The following FUT8 variants were observed in gnomAD, a reference collection of about 807,000 sequenced individuals.
FUT8 encodes fucosyltransferase 8, also known as alpha-(1,6)-fucosyltransferase.
Under a neutral mutation model 71.3 loss-of-function variants are expected in FUT8, and 29 were observed. That is an observed-to-expected ratio of 0.41 (90% CI 0.30 to 0.55). The LOEUF is 0.55. Ranked by LOEUF, FUT8 falls within the 20% of genes least tolerant of loss-of-function variation. The pLI is 0.34. For missense variants in FUT8, 544 were observed against 702.1 expected, an observed-to-expected ratio of 0.77 and a Z score of 2.55; for synonymous variants, 254 against 239.3, an observed-to-expected ratio of 1.06 and a Z score of -0.57.
At chr14:65,367,952 C>T in the FUT8 span, among the ~76,000 whole-genome samples, 2 of 151,356 alleles carry the variant, frequency 1.3e-5, no homozygotes, top group East Asian at 3.9e-4. Context: ...ATCTTTATAG[C>T]AGTGCTGTTT....
chr14:65,736,315 C>G (rs1896214784), intron 10 of FUT8, among the ~76,000 whole-genome samples: 1 of 151,610 alleles, frequency 6.6e-6, no homozygotes, highest in South Asian at 2.1e-4. Context: ...GTTAGAGACA[C>G]TCTATAGTAT....
chr14:65,676,897 A>T (rs1261279568), intron 7 of FUT8, among the ~76,000 whole-genome samples: 1 of 152,144 alleles, frequency 6.6e-6, no homozygotes, highest in Non-Finnish European at 1.5e-5. Context: ...GGTTAGTTTT[A>T]TATGCCAGAG....
chr14:65,645,503 ATGT>A (rs896575036), intron 6 of FUT8, among the ~76,000 whole-genome samples: 12 of 152,318 alleles, frequency 7.9e-5, no homozygotes, highest in African/African-American at 2.4e-4. Context: ...TTGATTTAAA[ATGT>A]TGTTTTTAAA....
At chr14:65,614,676 C>T (rs539783409) in intron 3 of FUT8, among the ~76,000 whole-genome samples, 2 of 152,348 alleles carry the variant, frequency 1.3e-5, no homozygotes, top group Admixed American at 6.5e-5. Context: ...CTAACAGCCA[C>T]ATAACCTTTT....
chr14:65,697,009 C>A (rs181523760), intron 7 of FUT8, among the ~76,000 whole-genome samples: 90 of 152,254 alleles, frequency 5.9e-4, no homozygotes, highest in African/African-American at 2.1e-3. Flanking sequence ...GTTAAATTCC[C>A]AGTCTGTTAC....
chr14:65,391,619 G>T, the FUT8 span, among the ~76,000 whole-genome samples: 5 of 152,206 alleles, frequency 3.3e-5, no homozygotes, highest in Admixed American at 6.5e-5. Flanking sequence ...TTCCCAAAGT[G>T]CTGGGATTAC....
chr14:65,647,971 G>A (rs1022629874), intron 6 of FUT8, among the ~76,000 whole-genome samples: 2 of 151,920 alleles, frequency 1.3e-5, no homozygotes, highest in Non-Finnish European at 2.9e-5. Flanking sequence ...ATATATTTCT[G>A]CCCACTTTGT....
intron 2 of FUT8, among the ~76,000 whole-genome samples, chr14:65,560,216 C>T (rs898994025): frequency 5.1e-5 from 6 of 117,526 alleles, no homozygotes; most frequent in African/African-American, 2.1e-4. Flanking sequence ...GGTCAAGTGC[C>T]CCTCACATTC....
intron 1 of FUT8, among the ~76,000 whole-genome samples, chr14:65,423,487 C>T (rs2065333327): frequency 6.6e-6 from 1 of 152,114 alleles, no homozygotes; most frequent in African/African-American, 2.4e-5. Context: ...TGGTCTTGAT[C>T]TCCTGACCTC....
intron 2 of FUT8, among the ~76,000 whole-genome samples, chr14:65,493,111 CT>C (rs1244366368): frequency 6.6e-6 from 1 of 152,124 alleles, no homozygotes; most frequent in Non-Finnish European, 1.5e-5. Flanking sequence ...AATTTTTAGA[CT>C]TTGGTGAGTA....
rs2065312059 is a variant in FUT8, at chr14:65,422,388, CTGGTGCTTTTTCTCTTCCTTACTAAT to C, written c.-326+9175_-326+9200del. On this transcript the variant is annotated intron_variant, in intron 1 of 10. Coordinates refer to ENST00000673929, the MANE Select transcript of FUT8 (RefSeq NM_001371533.1). ...AGCCCATCCCTTCCTGCCTTTAATC[CTGGTGCTTTTTCTCTTCCTTACTAAT>C]GAATGTTTTTTATGGCATTGTTTTC... 2.0e-5 allele frequency among the ~76,000 whole-genome samples: 3 copies of C among 152,258 alleles called. No homozygotes were observed. The South Asian group carries it at 6.2e-4, about 32-fold the overall frequency.
At chr14:65,427,038 A>G (rs181292620) in intron 1 of FUT8, among the ~76,000 whole-genome samples, 1 of 151,728 alleles carries the variant, frequency 6.6e-6, no homozygotes, top group African/African-American at 2.4e-5. Flanking sequence ...TTGTTTTTGT[A>G]TTTTTAGTAG....
rs1888925210 is a variant in FUT8 at position 65,611,217 on chromosome 14, GCGCGCGCACACACACACACA to G, written c.204-4759_204-4740del. Among the ~76,000 whole-genome samples, 2 of 3,174 alleles carry G rather than the reference GCGCGCGCACACACACACACA, an allele frequency of 6.3e-4. 1 individual carries two copies. The highest frequency in any genetic ancestry group is 9.7e-4 in the African/African-American group (2 of 2,056). 2.1% of individuals were successfully genotyped at this position (3,174 alleles called of 152,430 possible). A position where few individuals can be genotyped will look rare whatever the true frequency, so the allele number is the denominator to read the frequency against. The stretch of plus-strand genomic sequence containing the variant: ...CACACACGCGCGCGCGCGCGCGCGC[GCGCGCGCACACACACACACA>G]CACACACACACACACACACACACAC... On this transcript the variant is annotated intron_variant, in intron 3 of 10. Transcript: ENST00000673929.
At chr14:65,545,651 TAAA>T (rs1408045631) in intron 2 of FUT8, among the ~76,000 whole-genome samples, 1 of 151,918 alleles carries the variant, frequency 6.6e-6, no homozygotes, top group East Asian at 1.9e-4. Flanking sequence ...TTTCAGTTGT[TAAA>T]AAAGTAAATT....
chr14:65,482,216 G>A (rs1410686435), intron 2 of FUT8, among the ~76,000 whole-genome samples: 4 of 152,022 alleles, frequency 2.6e-5, no homozygotes, highest in South Asian at 2.1e-4. Flanking sequence ...AGTTATTTCA[G>A]CATCATTTAC....
intron 2 of FUT8, among the ~76,000 whole-genome samples, chr14:65,529,785 C>G (rs1883809757): frequency 6.6e-6 from 1 of 152,158 alleles, no homozygotes; most frequent in African/African-American, 2.4e-5. Context: ...TTTGTGCTAA[C>G]ATTTTTAAGG....
chr14:65,530,140 C>T (rs1883840909), intron 2 of FUT8, among the ~76,000 whole-genome samples: 1 of 152,058 alleles, frequency 6.6e-6, no homozygotes. Flanking sequence ...GAACTTTCCC[C>T]CAAAATTCTT....
At chr14:65,424,524 TTTTTC>T (rs1315097964) in intron 1 of FUT8, among the ~76,000 whole-genome samples, 14 of 150,492 alleles carry the variant, frequency 9.3e-5, no homozygotes, top group South Asian at 2.1e-4. Flanking sequence ...TTACTTTCTA[TTTTTC>T]TTTTCTTTTC....
At chr14:65,513,119 A>C (rs1393031670) in intron 2 of FUT8, among the ~76,000 whole-genome samples, 1 of 152,118 alleles carries the variant, frequency 6.6e-6, no homozygotes, top group Non-Finnish European at 1.5e-5. Context: ...TTTGGTGCTT[A>C]AAGTGGTGTT....
Sources: gnomAD v4.1 joint callset for allele counts (sites outside exome capture counted in the v4.1 genomes callset) on GRCh38, gnomAD v4.1.1 for gene constraint, MANE v1.5 for transcripts, NCBI Gene and HGNC (gene_info 2026-07-23, HGNC 2026-07-21) for gene names.